NOP14: variants seen among roughly 807,000 people sequenced by gnomAD.
NOP14 encodes the protein nucleolar protein 14.
NOP14 carries 57 observed loss-of-function variants against 101.6 expected under a neutral mutation model. The observed-to-expected ratio is 0.56, with a 90% CI of 0.45 to 0.70. The LOEUF (loss-of-function observed/expected upper bound fraction) is 0.70, where lower values mean the gene tolerates loss of function less well. Ranked by LOEUF, NOP14 falls within the 30% of genes least tolerant of loss-of-function variation. NOP14 has a pLI of 0.00. For synonymous variants in NOP14, 428 were observed against 424.0 expected, an observed-to-expected ratio of 1.01 and a Z score of -0.12; for missense variants, 1,134 against 1,075.5, an observed-to-expected ratio of 1.05 and a Z score of -0.76.
At chr4:2,951,060 T>A (rs1714994516) in intron 7 of NOP14, 54 bp downstream of exon 7, 1 of 1,502,598 alleles carries the variant, frequency 6.7e-7, no homozygotes. Context: ...ACCAAAAAAA[T>A]GTTTTTAAAT....
In NOP14 at chr4:2,952,389, T is replaced by G. The variant is rs373425497; in HGVS notation, c.756A>C (p.Ala252=). The change falls in exon 6 of 18, where the codon GCA becomes GCC. Residue 252 remains alanine (A), a synonymous_variant. Coordinates refer to ENST00000416614, the MANE Select transcript of NOP14 (RefSeq NM_001291978.2). ...RDKKEKPKPD[A]YDMMVRELGF... ...CAAGCTCGCGAACCATCATGTCATA[T>G]GCATCGGGCTAAGGTAGAAAGAAGA... 31 of 1,610,058 alleles carry G rather than the reference T, an allele frequency of 1.9e-5. No homozygotes were observed. Among genetic ancestry groups the G allele is most frequent in the Non-Finnish European group, 2.5e-5 (30 of 1,177,462 alleles).
At position 2,938,930 on chromosome 4, in the gene NOP14, C is replaced by T; in HGVS notation, c.2475G>A (p.Arg825=). 1 of 1,613,522 alleles carries T rather than the reference C, an allele frequency of 6.2e-7. No homozygotes were observed. Among genetic ancestry groups the T allele is most frequent in the Non-Finnish European group, 8.5e-7 (1 of 1,179,488 alleles). ...ARMQLSEIME[R]DAERKRKVKQ... ...TTACTTTCCGCTTTCTTTCCGCATC[C>T]CTAAAAGAAACAAAAGGCAAATGCC... is the stretch of plus-strand genomic sequence containing the variant. The change falls in exon 18 of 18, where the codon CGG becomes CGA. Residue 825 remains arginine (R), a splice_region_variant and synonymous_variant. Transcript: ENST00000416614.
intron 11 of NOP14, 74 bp downstream of exon 11, chr4:2,946,338 C>T: frequency 6.4e-7 from 1 of 1,557,998 alleles, no homozygotes; most frequent in Non-Finnish European, 8.8e-7. Flanking sequence ...GAGCATCGTA[C>T]CCGTCGTCCA....
In NOP14 at chr4:2,938,441, A is replaced by C. The variant is rs1247226154; in HGVS notation, c.*390T>G. On this transcript the variant is annotated 3_prime_UTR_variant, in exon 18 of 18. Transcript: ENST00000416614. ...AGGCTGAGGCAGGAGAATCGCTTGAACCCAGGAGGTGGAGGTTGTGCCATT... is the reference window on the plus strand; with the variant it reads ...AGGCTGAGGCAGGAGAATCGCTTGACCCCAGGAGGTGGAGGTTGTGCCATT... 5.8e-6 allele frequency: 2 copies of C among 345,562 alleles called. No individual in the cohort carries two copies. The highest frequency in any genetic ancestry group is 1.1e-5 in the Non-Finnish European group (2 of 176,052). The allele number at this position is 345,562 out of a possible 1,614,324, so 21.4% of individuals were successfully genotyped here. A position where few individuals can be genotyped will look rare whatever the true frequency, so the allele number is the denominator to read the frequency against.
chr4:2,942,464 T>G, intron 13 of NOP14, 113 bp from the exon 14 acceptor site: 1 of 1,114,190 alleles, frequency 9.0e-7, no homozygotes, highest in Non-Finnish European at 1.3e-6. Context: ...ACACCGATTT[T>G]TATGTTTCTG....
chr4:2,947,494 C>G, intron 10 of NOP14, 32 bp downstream of exon 10: 4 of 1,441,902 alleles, frequency 2.8e-6, no homozygotes, highest in Non-Finnish European at 3.9e-6. Flanking sequence ...TGCTTAACCC[C>G]ACATCCCAGA....
intron 1 of NOP14, 60 bp from the exon 2 acceptor site, chr4:2,957,800 C>T (rs1715452609): frequency 1.3e-6 from 2 of 1,568,124 alleles, no homozygotes; most frequent in Non-Finnish European, 1.7e-6. Context: ...CTACAGGGGA[C>T]ATCAGAACAG....
In NOP14 at chr4:2,938,571, C is replaced by T; in HGVS notation, c.*260G>A. ...TGGCCGAGGCTGGAGTGCAGTGGCT[C>T]AATCACGGCTCACTGTAACCTTGGA... On this transcript the variant is annotated 3_prime_UTR_variant, in exon 18 of 18. Coordinates refer to ENST00000416614, the MANE Select transcript of NOP14 (RefSeq NM_001291978.2). 4.1e-6 allele frequency: 2 copies of T among 492,254 alleles called. No homozygotes were observed. Among genetic ancestry groups the T allele is most frequent in the Non-Finnish European group, 7.3e-6 (2 of 274,880 alleles). 30.5% of individuals were successfully genotyped at this position (492,254 alleles called of 1,614,324 possible).
Position 2,950,084 on chromosome 4 carries a change from T to C in NOP14, c.1132A>G (p.Ser378Gly). 1 of 1,614,166 alleles carries C rather than the reference T, an allele frequency of 6.2e-7. No individual in the cohort carries two copies. The highest frequency in any genetic ancestry group is 1.1e-5 in the South Asian group (1 of 91,084). Residue 378 changes from serine (S) to glycine (G), a missense_variant, in exon 8 of 18, where the codon AGC (serine) becomes GGC (glycine). Coordinates refer to ENST00000416614, the MANE Select transcript of NOP14 (RefSeq NM_001291978.2). ...EDTEESDSPDSHLDLESNVES... is the reference protein window; with the variant it reads ...EDTEESDSPDGHLDLESNVES... ...ACGTTGGATTCCAGGTCCAAGTGGC[T>C]ATCTGGGCTGTCGCTCTCCTCTGTG...
chr4:2,960,981 TATTATATC>T (rs1715790060), intron 1 of NOP14, among the ~76,000 whole-genome samples: 1 of 41,128 alleles, frequency 2.4e-5, no homozygotes, highest in Non-Finnish European at 4.3e-5. Context: ...ATTATATTAA[TATTATATC>T]GATATTATTT....
rs778377976 is a variant in NOP14 at position 2,938,825 on chromosome 4, T to G, written c.*6A>C. The G allele has an allele frequency of 1.2e-6, 2 of 1,607,476 alleles. No individual in the cohort carries two copies. Among genetic ancestry groups the G allele is most frequent in the Non-Finnish European group, 1.7e-6 (2 of 1,174,366 alleles). On this transcript the variant is annotated 3_prime_UTR_variant, in exon 18 of 18. Coordinates refer to ENST00000416614, the MANE Select transcript of NOP14 (RefSeq NM_001291978.2). The stretch of plus-strand genomic sequence containing the variant: ...CCAGTTCCTTGCCTTATTTATAAAA[T>G]GTAATTTATTTTTTGAACTTTTTCC...
At position 2,947,545 on chromosome 4, in the gene NOP14, C is replaced by T. The variant is rs762378989; in HGVS notation, c.1480G>A (p.Val494Ile). The T allele has an allele frequency of 1.9e-6, 3 of 1,613,388 alleles. No homozygotes were observed. Among genetic ancestry groups the T allele is most frequent in the Admixed American group, 3.3e-5 (2 of 60,010 alleles). The change falls in exon 10 of 18, where the codon GTC becomes ATC. Residue 494 changes from valine (V) to isoleucine (I), a missense_variant. Transcript: ENST00000416614. ...LATDDPPDLT[V>I]IDKLVVHLYH... ...ACTTACACAACCAACTTATCAATGA[C>T]TGTGAGGTCTGGTGGGTCATCTGTA...
chr4:2,955,627 G>A (rs917353206), intron 3 of NOP14, among the ~76,000 whole-genome samples: 3 of 152,184 alleles, frequency 2.0e-5, no homozygotes, highest in Admixed American at 6.5e-5. Context: ...AAGGCCACTC[G>A]CCCAACTCAC....
At chr4:2,950,386 T>C (rs1217791486) in intron 7 of NOP14, 173 bp from the exon 8 acceptor site, 1 of 652,638 alleles carries the variant, frequency 1.5e-6, no homozygotes, top group Non-Finnish European at 2.6e-6. Context: ...CACCACCCGC[T>C]TCTAGGCTAT....
chr4:2,962,381 T>C (rs530293204), intron 1 of NOP14, among the ~76,000 whole-genome samples: 2 of 152,266 alleles, frequency 1.3e-5, no homozygotes, highest in South Asian at 4.1e-4. Flanking sequence ...GCAGTAAGGA[T>C]AATATGTGTT....
chr4:2,952,259 G>T lies in NOP14; in HGVS notation c.870+16C>A. Reference sequence around the variant, plus strand: ...GACAGCAGCACAGCCCTGCTCCTGAGGTGCTGCCACCCTACCTCCAGCTTC... The same window carrying T: ...GACAGCAGCACAGCCCTGCTCCTGATGTGCTGCCACCCTACCTCCAGCTTC... On this transcript the variant is annotated intron_variant, in intron 6 of 17. Transcript: ENST00000416614. 1 of 1,612,370 alleles carries T rather than the reference G, an allele frequency of 6.2e-7. No homozygotes were observed.
chr4:2,946,525 T>C lies in NOP14; in HGVS notation c.1522A>G (p.Met508Val). 2 of 1,614,120 alleles carry C rather than the reference T, an allele frequency of 1.2e-6. No individual in the cohort carries two copies. The highest frequency in any genetic ancestry group is 1.7e-6 in the Non-Finnish European group (2 of 1,179,968). Reference sequence around the variant, plus strand: ...GCGTCACTTGCAGATTCAGGAAACATCTGGCAAAGATGATATAAGTGCCTG... The same window carrying C: ...GCGTCACTTGCAGATTCAGGAAACACCTGGCAAAGATGATATAAGTGCCTG... ...LVVHLYHLCQMFPESASDAIK... is the reference protein window; with the variant it reads ...LVVHLYHLCQVFPESASDAIK... The change falls in exon 11 of 18, where the codon ATG becomes GTG. Residue 508 changes from methionine to valine, a missense_variant. Transcript: ENST00000416614.
chr4:2,951,328 G>A (rs780047343), intron 6 of NOP14, 83 bp from the exon 7 acceptor site: 339 of 1,321,636 alleles, frequency 2.6e-4, no homozygotes, highest in Non-Finnish European at 3.4e-4. Flanking sequence ...CCTGGGCAGC[G>A]GGCTGGGCCT....
chr4:2,953,536 T>C lies in NOP14; in HGVS notation c.722A>G (p.Asn241Ser), dbSNP rs143187011. ...CTTGGGTTTTTCCTTTTTGTCTCTG[T>C]TCTCTGACTTGGGAGTTTTGTGGGA... is the stretch of plus-strand genomic sequence containing the variant. ...LLSHKTPKSE[N>S]RDKKEKPKPD... Residue 241 changes from asparagine to serine, a missense_variant, in exon 5 of 18, where the codon AAC becomes AGC. Transcript: ENST00000416614. 6.2e-7 allele frequency: 1 copy of C among 1,614,266 alleles called. No homozygotes were observed. The highest frequency in any genetic ancestry group is 1.3e-5 in the African/African-American group (1 of 75,064).
Sources: allele counts gnomAD v4.1 joint callset (sites outside exome capture counted in the v4.1 genomes callset), GRCh38; gene constraint gnomAD v4.1.1; transcripts MANE v1.5; gene names NCBI Gene and HGNC (gene_info 2026-07-23, HGNC 2026-07-21).